Variants in FUT8 observed in about 807,000 individuals in gnomAD.
The protein encoded by FUT8 is alpha-(1,6)-fucosyltransferase.
A neutral mutation model predicts 71.3 loss-of-function variants in FUT8; 29 were observed. That is an observed-to-expected ratio of 0.41 (90% CI 0.30 to 0.55). The LOEUF (loss-of-function observed/expected upper bound fraction) is 0.55. FUT8 is among the 20% of genes least tolerant of loss of function. The pLI, the probability that FUT8 is intolerant of heterozygous loss-of-function variation, is 0.34. For synonymous variants in FUT8, 254 were observed against 239.3 expected (o/e 1.06, Z -0.57); for missense variants, 544 against 702.1 (o/e 0.77, Z 2.55).
intron 1 of FUT8, among the ~76,000 whole-genome samples, chr14:65,441,928 C>G (rs2139488902): frequency 6.6e-6 from 1 of 151,952 alleles, no homozygotes; most frequent in East Asian, 1.9e-4. Context: ...AGGTATATCT[C>G]CTAATGCTAT....
intron 1 of FUT8, among the ~76,000 whole-genome samples, chr14:65,414,506 A>G (rs1477805656): frequency 3.3e-5 from 5 of 152,224 alleles, no homozygotes; most frequent in African/African-American, 1.2e-4. Flanking sequence ...ATGCCAAATA[A>G]TAAGGCCCTG....
chr14:65,474,453 A>AAAAAAAAAG (rs1566770540), intron 2 of FUT8, among the ~76,000 whole-genome samples: 1 of 146,962 alleles, frequency 6.8e-6, no homozygotes, highest in African/African-American at 2.5e-5. Flanking sequence ...AAAAAAAAAA[A>AAAAAAAAAG]AAAAGCCAGG....
At chr14:65,517,034 A>G (rs554271882) in intron 2 of FUT8, among the ~76,000 whole-genome samples, 64 of 151,844 alleles carry the variant, frequency 4.2e-4, no homozygotes, top group Admixed American at 1.8e-3. Context: ...ATATTGTAGC[A>G]TGTATCAGAA....
chr14:65,649,942 T>C (rs1013756770), intron 6 of FUT8, among the ~76,000 whole-genome samples: 27 of 152,204 alleles, frequency 1.8e-4, no homozygotes, highest in African/African-American at 5.5e-4. Flanking sequence ...CTTCTATTTC[T>C]GGATAAGATA....
intron 7 of FUT8, among the ~76,000 whole-genome samples, chr14:65,685,147 TAAAAC>T (rs1350920312): frequency 6.6e-6 from 1 of 152,082 alleles, no homozygotes; most frequent in Non-Finnish European, 1.5e-5. Context: ...AGCTCACACT[TAAAAC>T]AAACAAACAA....
intron 3 of FUT8, among the ~76,000 whole-genome samples, chr14:65,604,294 G>A (rs1813030): frequency 0.063 from 9,515 of 151,850 alleles, 605 homozygotes; most frequent in African/African-American, 0.15. Context: ...CAACCACAGA[G>A]TATACATTCT....
At chr14:65,695,081 C>T (rs12894902) in intron 7 of FUT8, among the ~76,000 whole-genome samples, 53,585 of 151,926 alleles carry the variant, frequency 0.35, 11,719 homozygotes, top group Non-Finnish European at 0.49. Flanking sequence ...GTTTTGTAGG[C>T]CAGAATATTG....
At chr14:65,584,523 G>A (rs1316916234) in intron 3 of FUT8, among the ~76,000 whole-genome samples, 1 of 152,114 alleles carries the variant, frequency 6.6e-6, no homozygotes, top group Admixed American at 6.5e-5. Context: ...TTATTTAAAA[G>A]ATTAAAGAAA....
In FUT8 at chr14:65,489,932, C is replaced by G. The variant is rs2066459731; in HGVS notation, c.-228+34214C>G. Among the ~76,000 whole-genome samples the G allele has an allele frequency of 6.6e-6, 1 of 151,996 alleles. No individual in the cohort carries two copies. The highest frequency in any genetic ancestry group is 1.5e-5 in the Non-Finnish European group (1 of 67,936). On this transcript the variant is annotated intron_variant, in intron 2 of 10. Coordinates refer to ENST00000673929, the MANE Select transcript of FUT8 (RefSeq NM_001371533.1). This position sits in a 1 kb window ranked among gnomAD's most constrained non-coding sequence, Gnocchi z 4.0. ...AACCCAAGGAAGAAAAAGCTTCTTGCATTTATATAACAATTCTTAATCTAT... is the reference window on the plus strand; with the variant it reads ...AACCCAAGGAAGAAAAAGCTTCTTGGATTTATATAACAATTCTTAATCTAT...
chr14:65,474,456 A>AAAAAAAAAAAAAAAAAAAAAAAAAAAAC (rs1169769207), intron 2 of FUT8, among the ~76,000 whole-genome samples: 3 of 147,898 alleles, frequency 2.0e-5, no homozygotes, highest in Admixed American at 6.8e-5. Context: ...AAAAAAAAAA[A>AAAAAAAAAAAAAAAAAAAAAAAAAAAAC]AGCCAGGCGT....
At chr14:65,376,021 G>A in the FUT8 span, among the ~76,000 whole-genome samples, 1 of 151,752 alleles carries the variant, frequency 6.6e-6, no homozygotes, top group African/African-American at 2.4e-5. Flanking sequence ...ATCCAGGGAG[G>A]TGGAGGTTGC....
At chr14:65,520,248 C>T (rs954024783) in intron 2 of FUT8, among the ~76,000 whole-genome samples, 8 of 144,534 alleles carry the variant, frequency 5.5e-5, no homozygotes, top group East Asian at 2.0e-4. Context: ...TGGCAAAGAA[C>T]GGAAGTTTTT....
chr14:65,463,957 A>G (rs1252350528), intron 2 of FUT8, among the ~76,000 whole-genome samples: 1 of 152,208 alleles, frequency 6.6e-6, no homozygotes. Context: ...TTGAGAAGTT[A>G]GAGAGATTCT....
At chr14:65,473,827 C>G (rs1201000921) in intron 2 of FUT8, among the ~76,000 whole-genome samples, 1 of 152,130 alleles carries the variant, frequency 6.6e-6, no homozygotes, top group African/African-American at 2.4e-5. Flanking sequence ...CTAGAGACTT[C>G]TAGAAACTTC....
intron 6 of FUT8, among the ~76,000 whole-genome samples, chr14:65,639,414 T>C (rs1156572367): frequency 6.6e-6 from 1 of 152,050 alleles, no homozygotes; most frequent in African/African-American, 2.4e-5. Flanking sequence ...ACATTGCTGG[T>C]GATATAGTCA....
In FUT8 at chr14:65,607,149, T is replaced by C. The variant is rs1888629252; in HGVS notation, c.204-8829T>C. On this transcript the variant is annotated intron_variant, in intron 3 of 10. Transcript: ENST00000673929. This position sits in a 1 kb window ranked among gnomAD's most constrained non-coding sequence, Gnocchi z 4.1. ...TGTATTAAAGTTTATATTATCTGAA[T>C]AACATTTGTTTCTTCATTTTCTACA... 6.6e-6 allele frequency among the ~76,000 whole-genome samples: 1 copy of C among 151,960 alleles called. No homozygotes were observed. The highest frequency in any genetic ancestry group is 1.9e-4 in the East Asian group (1 of 5,204).
At chr14:65,404,769 G>A in the FUT8 span, among the ~76,000 whole-genome samples, 3 of 152,312 alleles carry the variant, frequency 2.0e-5, no homozygotes, top group South Asian at 2.1e-4. Context: ...TGCTGCACCC[G>A]GCGCCGGCCT....
intron 6 of FUT8, among the ~76,000 whole-genome samples, chr14:65,634,561 T>TAAAAAA (rs35052434): frequency 4.0e-5 from 5 of 123,978 alleles, no homozygotes; most frequent in Non-Finnish European, 8.3e-5. Context: ...AATGATCAAT[T>TAAAAAA]AAAAAAAAAA....
At chr14:65,611,299 A>C (rs376178064) in intron 3 of FUT8, among the ~76,000 whole-genome samples, 694 of 49,666 alleles carry the variant, frequency 0.014, 80 homozygotes, top group African/African-American at 0.017. Flanking sequence ...ACACACACAC[A>C]CACCCCCCAA....
Sources: gnomAD v4.1 joint callset for allele counts (sites outside exome capture counted in the v4.1 genomes callset) on GRCh38, gnomAD v4.1.1 for gene constraint, Gnocchi (gnomAD v3.1) non-coding constraint, MANE v1.5 for transcripts, NCBI Gene and HGNC (gene_info 2026-07-23, HGNC 2026-07-21) for gene names.